DGKI: variants seen among roughly 807,000 people sequenced by gnomAD.
DGKI encodes the protein diacylglycerol kinase iota.
DGKI carries 55 observed loss-of-function variants against 147.5 expected under a neutral mutation model. The observed-to-expected ratio is 0.37, with a 90% CI of 0.30 to 0.47. The LOEUF (loss-of-function observed/expected upper bound fraction) is 0.47. DGKI is among the 20% of genes least tolerant of loss of function. The pLI is 1.00. For synonymous variants in DGKI, 469 were observed against 477.1 expected, an observed-to-expected ratio of 0.98 and a Z score of 0.22; for missense variants, 1,007 against 1,323.8, an observed-to-expected ratio of 0.76 and a Z score of 3.71.
chr7:137,466,217 C>A lies in DGKI; in HGVS notation c.2485-182G>T, dbSNP rs1190938439. On this transcript the variant is annotated intron_variant, in intron 25 of 32. Coordinates refer to ENST00000614521, the MANE Select transcript of DGKI (RefSeq NM_001321708.2). ...CAGTGGGAGATAGGGAGAGATGAAT[C>A]CCCTTGGTTCAGGATTTCCAATTAA... Among the ~76,000 whole-genome samples, 3 of 152,240 alleles carry A rather than the reference C, an allele frequency of 2.0e-5. No individual in the cohort carries two copies. In the East Asian group the frequency reaches 5.8e-4, roughly 29 times the overall value.
Position 137,722,720 on chromosome 7 carries a change from A to G in DGKI, c.402-32718T>C. 3 of 1,584,918 alleles carry G rather than the reference A, an allele frequency of 1.9e-6. No homozygotes were observed. In the South Asian group the frequency reaches 3.3e-5, roughly 18 times the overall value. On this transcript the variant is annotated intron_variant, in intron 1 of 32. Coordinates refer to ENST00000614521, the MANE Select transcript of DGKI (RefSeq NM_001321708.2). ...AAAGAGAAATATGAGATTACGGAGCAGTGCAAGATTGAGCAGAAAGCTGTG... is the reference window on the plus strand; with the variant it reads ...AAAGAGAAATATGAGATTACGGAGCGGTGCAAGATTGAGCAGAAAGCTGTG...
intron 14 of DGKI, among the ~76,000 whole-genome samples, chr7:137,582,654 C>T (rs932060637): frequency 3.9e-5 from 6 of 152,068 alleles, no homozygotes; most frequent in African/African-American, 1.4e-4. Context: ...CACATGGAAG[C>T]TTTAACTTTC....
At chr7:137,772,752 T>C (rs1051392873) in intron 1 of DGKI, among the ~76,000 whole-genome samples, 1 of 152,262 alleles carries the variant, frequency 6.6e-6, no homozygotes, top group South Asian at 2.1e-4. Flanking sequence ...TTCCAAGTTG[T>C]TGTATTCATA....
At chr7:137,505,782 A>G (rs1315019047) in intron 21 of DGKI, among the ~76,000 whole-genome samples, 1 of 152,062 alleles carries the variant, frequency 6.6e-6, no homozygotes, top group South Asian at 2.1e-4. Context: ...AAGAGAGCCA[A>G]TTAAAAAACT....
intron 1 of DGKI, among the ~76,000 whole-genome samples, chr7:137,814,762 A>C (rs1055630792): frequency 1.3e-5 from 2 of 152,264 alleles, no homozygotes; most frequent in African/African-American, 4.8e-5. Context: ...CCCCCGCTAG[A>C]GAACAAGTAT....
chr7:137,567,178 C>T (rs1484589077), intron 19 of DGKI, among the ~76,000 whole-genome samples: 1 of 150,958 alleles, frequency 6.6e-6, no homozygotes, highest in African/African-American at 2.5e-5. Flanking sequence ...GCAGGAGAAT[C>T]GCTTGAACTC....
chr7:137,664,114 C>T (rs930994038), intron 3 of DGKI, among the ~76,000 whole-genome samples: 2 of 152,104 alleles, frequency 1.3e-5, no homozygotes, highest in Non-Finnish European at 1.5e-5. Flanking sequence ...CAGTGATTCA[C>T]GCCTGTAATC....
intron 1 of DGKI, among the ~76,000 whole-genome samples, chr7:137,808,150 T>C (rs73729043): frequency 0.021 from 3,201 of 152,304 alleles, 111 homozygotes; most frequent in African/African-American, 0.071. Context: ...GACAACGTAG[T>C]AGATAATCTC....
intron 30 of DGKI, 81 bp downstream of exon 30, chr7:137,407,794 A>C: frequency 6.4e-7 from 1 of 1,558,634 alleles, no homozygotes; most frequent in South Asian, 1.2e-5. Context: ...AACTGCCTGG[A>C]TGAAGGGTAA....
At chr7:137,543,753 G>A (rs1362772048) in intron 20 of DGKI, among the ~76,000 whole-genome samples, 1 of 152,100 alleles carries the variant, frequency 6.6e-6, no homozygotes, top group Admixed American at 6.6e-5. Context: ...AACTTCTACA[G>A]GACCAAAGCA....
At chr7:137,565,606 C>T (rs377705192) in intron 19 of DGKI, among the ~76,000 whole-genome samples, 7 of 152,086 alleles carry the variant, frequency 4.6e-5, no homozygotes, top group Admixed American at 6.5e-5. Flanking sequence ...TTAAAGTTTA[C>T]GAGACTGAAA....
Position 137,846,785 on chromosome 7 carries a change from G to GGCGGCTGCA in DGKI, c.69_77dup (p.Ala29_Ala31dup), listed in dbSNP as rs1798755531. On this transcript the variant is annotated inframe_insertion, in exon 1 of 33. Transcript: ENST00000614521. The surrounding 1 kb of genome is among the most constrained non-coding windows in gnomAD (Gnocchi z 4.0). ...CGGGCGGGCTGGCGGCGGCGGCGGC[G>GGCGGCTGCA]GCGGCTGCAGGAGCGCGGGCAGGTC... 2.7e-6 allele frequency: 3 copies of GGCGGCTGCA among 1,093,716 alleles called. No homozygotes were observed. The highest frequency in any genetic ancestry group is 4.3e-5 in the South Asian group (1 of 23,064). 67.8% of individuals were successfully genotyped at this position (1,093,716 alleles called of 1,614,324 possible).
At chr7:137,643,529 T>A (rs1009696808) in intron 6 of DGKI, among the ~76,000 whole-genome samples, 1 of 152,132 alleles carries the variant, frequency 6.6e-6, no homozygotes, top group African/African-American at 2.4e-5. Flanking sequence ...TCTTGAAGAA[T>A]TCATGGAGAA....
intron 1 of DGKI, among the ~76,000 whole-genome samples, chr7:137,824,247 C>A (rs992318805): frequency 1.3e-5 from 2 of 152,114 alleles, no homozygotes; most frequent in East Asian, 3.9e-4. Flanking sequence ...CCAGGTGCAG[C>A]GGCTCACGCC....
intron 30 of DGKI, 38 bp from the exon 31 acceptor site, chr7:137,397,451 G>C (rs1811594622): frequency 6.3e-7 from 1 of 1,597,262 alleles, no homozygotes; most frequent in African/African-American, 1.3e-5. Flanking sequence ...TCAAAAATAA[G>C]CTCAAAAACT....
rs781543378 is a variant in DGKI at position 137,745,883 on chromosome 7, G to T, written c.402-55881C>A. Among the ~76,000 whole-genome samples the T allele has an allele frequency of 1.3e-5, 2 of 152,136 alleles. 1 individual carries two copies. Among genetic ancestry groups the T allele is most frequent in the Admixed American group, 1.3e-4 (2 of 15,266 alleles). The stretch of plus-strand genomic sequence containing the variant: ...ATAAATTCGTTCTAGATTTACTGTT[G>T]CACCTCAAATTGCAAAAATTATGGC... On this transcript the variant is annotated intron_variant, in intron 1 of 32. Coordinates refer to ENST00000614521, the MANE Select transcript of DGKI (RefSeq NM_001321708.2).
At chr7:137,690,024 A>T in intron 1 of DGKI, 22 bp from the exon 2 acceptor site, 1 of 1,568,650 alleles carries the variant, frequency 6.4e-7, no homozygotes, top group Non-Finnish European at 8.6e-7. Flanking sequence ...AGAAAAACAA[A>T]AACAAAAACA....
chr7:137,699,206 T>A lies in DGKI; in HGVS notation c.402-9204A>T, dbSNP rs183600323. Among the ~76,000 whole-genome samples the A allele has an allele frequency of 4.8e-3, 727 of 152,242 alleles. 11 individuals carry two copies. The South Asian group carries it at 0.059, about 12-fold the overall frequency. On this transcript the variant is annotated intron_variant, in intron 1 of 32. Coordinates refer to ENST00000614521, the MANE Select transcript of DGKI (RefSeq NM_001321708.2). ...TAGGTCTCTTTTAAAGGGACACTAA[T>A]CCCACTCATGCAGACTCCACCCTCA...
intron 1 of DGKI, among the ~76,000 whole-genome samples, chr7:137,705,972 C>T (rs1321335397): frequency 6.6e-6 from 1 of 151,934 alleles, no homozygotes; most frequent in African/African-American, 2.4e-5. Flanking sequence ...GGAAACTCAT[C>T]TTTTTAAGCT....
Sources: gnomAD v4.1 joint callset for allele counts (sites outside exome capture counted in the v4.1 genomes callset) on GRCh38, gnomAD v4.1.1 for gene constraint, Gnocchi (gnomAD v3.1) non-coding constraint, MANE v1.5 for transcripts, NCBI Gene and HGNC (gene_info 2026-07-23, HGNC 2026-07-21) for gene names.